Variants in AGBL2 observed in about 807,000 individuals in gnomAD.
The protein encoded by AGBL2 is cytosolic carboxypeptidase 2.
In AGBL2, 87 loss-of-function variants were observed where a neutral mutation model predicts 103.0. The ratio of observed to expected loss-of-function variants is 0.84; its 90% CI spans 0.71 to 1.01. The LOEUF (loss-of-function observed/expected upper bound fraction) is 1.01, where lower values mean the gene tolerates loss of function less well. Among genes scored for constraint, AGBL2 ranks in the 50% least tolerant of loss-of-function variants. The pLI is 0.00. For synonymous variants in AGBL2, 335 were observed against 356.7 expected, an observed-to-expected ratio of 0.94 and a Z score of 0.69; for missense variants, 904 against 1,023.5, an observed-to-expected ratio of 0.88 and a Z score of 1.59.
chr11:47,695,072 C>T (rs934687635), intron 8 of AGBL2, among the ~76,000 whole-genome samples: 4 of 151,930 alleles, frequency 2.6e-5, no homozygotes, highest in Non-Finnish European at 5.9e-5. Flanking sequence ...ATTGCTTGAA[C>T]CCGGGAGGCA....
Position 47,680,014 on chromosome 11 carries a change from A to T in AGBL2, c.1975T>A (p.Cys659Ser), listed in dbSNP as rs770649763. The T allele has an allele frequency of 6.2e-7, 1 of 1,613,312 alleles. No homozygotes were observed. Among genetic ancestry groups the T allele is most frequent in the South Asian group, 1.1e-5 (1 of 91,032 alleles). ...TCACAAAAGTCCAGAAGGGTGTCAC[A>T]GACATGATAACCTAAGGACTTCAGA... is the stretch of plus-strand genomic sequence containing the variant. ...EDLKSLGYHV[C>S]DTLLDFCDPD... Residue 659 changes from cysteine (C) to serine (S), a missense_variant, in exon 13 of 19, where the codon TGT (cysteine) becomes AGT (serine). Transcript: ENST00000525123.
intron 17 of AGBL2, among the ~76,000 whole-genome samples, chr11:47,664,356 C>T (rs937639823): frequency 6.6e-6 from 1 of 151,916 alleles, no homozygotes; most frequent in Non-Finnish European, 1.5e-5. Context: ...AAGTGATTCT[C>T]CCACCTCAGC....
intron 16 of AGBL2, 52 bp from the exon 17 acceptor site, chr11:47,667,115 TC>T: frequency 1.6e-6 from 2 of 1,287,264 alleles, no homozygotes; most frequent in Non-Finnish European, 2.2e-6. Context: ...TCAAAATTGA[TC>T]CAATTTACCC....
chr11:47,712,644 C>T (rs1008566170), intron 3 of AGBL2, among the ~76,000 whole-genome samples: 3 of 152,234 alleles, frequency 2.0e-5, no homozygotes, highest in Non-Finnish European at 2.9e-5. Context: ...TGGCTCACGC[C>T]TGTAATCCCA....
chr11:47,667,615 T>C lies in AGBL2; in HGVS notation c.2296A>G (p.Lys766Glu), dbSNP rs1311236130. Reference sequence around the variant, plus strand: ...TTTAACTTCTGCATCAAATTTTTTTTCTGATACTGCTCATTTCGCTGTTTC... The same window carrying C: ...TTTAACTTCTGCATCAAATTTTTTTCCTGATACTGCTCATTTCGCTGTTTC... ...TRKQRNEQYQKKNLMQKLKLT... is the reference protein window; with the variant it reads ...TRKQRNEQYQEKNLMQKLKLT... The change falls in exon 16 of 19, where the codon AAA (lysine) becomes GAA (glutamate). Residue 766 changes from lysine to glutamate, a missense_variant. Physicochemically the swap from Lys to Glu is moderately conservative, Grantham distance 56. Transcript: ENST00000525123. The C allele has an allele frequency of 6.2e-7, 1 of 1,614,102 alleles. No homozygotes were observed. The highest frequency in any genetic ancestry group is 8.5e-7 in the Non-Finnish European group (1 of 1,179,996).
chr11:47,706,422 A>G (rs2153805314), intron 4 of AGBL2, among the ~76,000 whole-genome samples: 1 of 152,320 alleles, frequency 6.6e-6, no homozygotes, highest in South Asian at 2.1e-4. Flanking sequence ...AGGCTGAGGC[A>G]GGAGAATGCC....
intron 13 of AGBL2, among the ~76,000 whole-genome samples, chr11:47,678,747 G>A (rs2097388592): frequency 6.6e-6 from 1 of 151,690 alleles, no homozygotes; most frequent in South Asian, 2.1e-4. Flanking sequence ...ACAGAGCAGG[G>A]CTAACTTTGG....
At chr11:47,703,695 C>T (rs1354460491) in intron 7 of AGBL2, among the ~76,000 whole-genome samples, 2 of 151,576 alleles carry the variant, frequency 1.3e-5, no homozygotes, top group Non-Finnish European at 2.9e-5. Context: ...GAGGCCGAGG[C>T]GGGTGGATCA....
intron 14 of AGBL2, among the ~76,000 whole-genome samples, chr11:47,672,163 C>T (rs1198892061): frequency 1.3e-5 from 2 of 152,122 alleles, no homozygotes; most frequent in Non-Finnish European, 2.9e-5. Flanking sequence ...GTTGACCAAG[C>T]TGGTCTCCAA....
rs2097450446 is a variant in AGBL2 at position 47,692,270 on chromosome 11, A to G, written c.695-14T>C. 1.9e-6 allele frequency: 3 copies of G among 1,612,578 alleles called. No homozygotes were observed. Among genetic ancestry groups the G allele is most frequent in the East Asian group, 2.2e-5 (1 of 44,872 alleles). ...CTTCTATAGGCACTGCAGAGAAAAG[A>G]TATATTTAGGCTAGGTTCTACTCAG... On this transcript the variant is annotated splice_polypyrimidine_tract_variant and intron_variant, in intron 8 of 18. Coordinates refer to ENST00000525123, the MANE Select transcript of AGBL2 (RefSeq NM_024783.4).
chr11:47,682,257 AG>A (rs2097404225), intron 11 of AGBL2, among the ~76,000 whole-genome samples, 162 bp from the exon 12 acceptor site: 1 of 152,156 alleles, frequency 6.6e-6, no homozygotes. Context: ...CAGGTATTAC[AG>A]GGGAAAAAGG....
chr11:47,688,290 T>C (rs888463948), intron 10 of AGBL2, among the ~76,000 whole-genome samples: 4 of 151,654 alleles, frequency 2.6e-5, no homozygotes, highest in Non-Finnish European at 5.9e-5. Flanking sequence ...TGGAAAGGGG[T>C]GGTGGGTAGC....
intron 17 of AGBL2, among the ~76,000 whole-genome samples, chr11:47,664,875 C>T (rs2097337110): frequency 7.1e-6 from 1 of 140,224 alleles, no homozygotes; most frequent in Non-Finnish European, 1.5e-5. Context: ...CCACCTCCCA[C>T]CTTTTTTTTT....
intron 14 of AGBL2, among the ~76,000 whole-genome samples, chr11:47,674,363 A>T (rs1222374618): frequency 6.6e-6 from 1 of 151,988 alleles, no homozygotes; most frequent in Non-Finnish European, 1.5e-5. Context: ...GGAGTTCGAG[A>T]CCAGCCTATC....
intron 18 of AGBL2, 126 bp downstream of exon 18, chr11:47,662,900 C>T (rs1177511450): frequency 9.6e-5 from 78 of 808,482 alleles, no homozygotes; most frequent in Middle Eastern, 9.3e-4. Flanking sequence ...TTCACCTGCG[C>T]AGAACGAATC....
At position 47,691,729 on chromosome 11, in the gene AGBL2, A is replaced by AAAAAAAAAAAAAAAAATATATACATAT; in HGVS notation, c.848+373_848+374insATATGTATATATTTTTTTTTTTTTTTT. ...TCTCAAGAAAAAAAAAAAAAAAAAA[A>AAAAAAAAAAAAAAAAATATATACATAT]ATATATATATATATATATATATATA... On this transcript the variant is annotated intron_variant, in intron 9 of 18. Coordinates refer to ENST00000525123, the MANE Select transcript of AGBL2 (RefSeq NM_024783.4). 3.3e-3 allele frequency among the ~76,000 whole-genome samples: 16 copies of AAAAAAAAAAAAAAAAATATATACATAT among 4,850 alleles called. 3 individuals are homozygous for AAAAAAAAAAAAAAAAATATATACATAT. The highest frequency in any genetic ancestry group is 4.7e-3 in the Non-Finnish European group (13 of 2,742). The allele number at this position is 4,850 out of a possible 152,430, so 3.2% of individuals were successfully genotyped here. A position where few individuals can be genotyped will look rare whatever the true frequency, so the allele number is the denominator to read the frequency against.
Position 47,705,444 on chromosome 11 carries a change from G to A in AGBL2, c.400+77C>T, listed in dbSNP as rs1009614752. On this transcript the variant is annotated intron_variant, in intron 6 of 18. Coordinates refer to ENST00000525123, the MANE Select transcript of AGBL2 (RefSeq NM_024783.4). ...GCTGATCATCTGAGTTCAGGAGTTCGAGACCAGCCTGGCCAACGTGGTGAA... is the reference window on the plus strand; with the variant it reads ...GCTGATCATCTGAGTTCAGGAGTTCAAGACCAGCCTGGCCAACGTGGTGAA... 14 of 196,270 alleles carry A rather than the reference G, an allele frequency of 7.1e-5. No homozygotes were observed. The South Asian group carries it at 1.0e-3, about 14-fold the overall frequency. 12.2% of individuals were successfully genotyped at this position (196,270 alleles called of 1,614,324 possible). A position where few individuals can be genotyped will look rare whatever the true frequency, so the allele number is the denominator to read the frequency against.
chr11:47,713,743 C>T (rs796841551), intron 3 of AGBL2, among the ~76,000 whole-genome samples: 52 of 151,122 alleles, frequency 3.4e-4, no homozygotes, highest in African/African-American at 1.3e-3. Context: ...CACCCACCAC[C>T]ACGCCCGGCT....
intron 12 of AGBL2, among the ~76,000 whole-genome samples, chr11:47,681,668 C>T (rs1213020153): frequency 1.3e-5 from 2 of 152,224 alleles, no homozygotes; most frequent in Non-Finnish European, 2.9e-5. Flanking sequence ...CCATGTTGGT[C>T]ACGCTGGTCT....
Sources: gnomAD v4.1 joint callset for allele counts (sites outside exome capture counted in the v4.1 genomes callset) on GRCh38, gnomAD v4.1.1 for gene constraint, MANE v1.5 for transcripts, NCBI Gene and HGNC (gene_info 2026-07-23, HGNC 2026-07-21) for gene names.